Variants in PCOLCE2 observed in about 807,000 individuals in gnomAD.
PCOLCE2 encodes the protein procollagen C-proteinase enhancer 2.
In PCOLCE2, 42 loss-of-function variants were observed where a neutral mutation model predicts 47.0. That is an observed-to-expected ratio of 0.89 (90% CI 0.70 to 1.16). The LOEUF is 1.16. Ranked by LOEUF, PCOLCE2 falls within the 50% of genes most tolerant of loss-of-function variation. The probability of loss-of-function intolerance (pLI) is 0.00; values close to 1 mark genes in which losing one functional copy is unlikely to be tolerated. For missense variants in PCOLCE2, 500 were observed against 526.1 expected, an observed-to-expected ratio of 0.95 and a Z score of 0.49; for synonymous variants, 169 against 191.7, an observed-to-expected ratio of 0.88 and a Z score of 0.98.
intron 6 of PCOLCE2, chr3:142,827,646 G>C: frequency 6.8e-7 from 1 of 1,460,610 alleles, no homozygotes; most frequent in African/African-American, 1.4e-5. Context: ...GCAATGAAAA[G>C]CTCCGTCCGC....
chr3:142,878,100 A>C (rs1191267977), intron 2 of PCOLCE2, among the ~76,000 whole-genome samples: 1 of 152,208 alleles, frequency 6.6e-6, no homozygotes, highest in Admixed American at 6.5e-5. Context: ...TCCATGTAAC[A>C]GCCCATCTTT....
intron 6 of PCOLCE2, among the ~76,000 whole-genome samples, chr3:142,826,891 C>T (rs1419765082): frequency 6.6e-6 from 1 of 152,184 alleles, no homozygotes; most frequent in Non-Finnish European, 1.5e-5. Flanking sequence ...CCTCCCTCGC[C>T]ACTGCTTTTC....
chr3:142,876,511 TG>T (rs1560141504), intron 2 of PCOLCE2, among the ~76,000 whole-genome samples: 1 of 152,160 alleles, frequency 6.6e-6, no homozygotes, highest in Non-Finnish European at 1.5e-5. Context: ...AAAATAATAA[TG>T]TACTCTTATT....
chr3:142,848,176 C>T (rs1369492892), intron 3 of PCOLCE2, 41 bp downstream of exon 3: 13 of 1,592,346 alleles, frequency 8.2e-6, no homozygotes, highest in South Asian at 1.1e-5. Flanking sequence ...GAACAGTGAA[C>T]CAACATTACT....
At position 142,860,370 on chromosome 3, in the gene PCOLCE2, T is replaced by A. The variant is rs182474252; in HGVS notation, c.193-11898A>T. Among the ~76,000 whole-genome samples, 643 of 152,284 alleles carry A rather than the reference T, an allele frequency of 4.2e-3. 2 individuals carry two copies. Among genetic ancestry groups the A allele is most frequent in the Non-Finnish European group, 6.9e-3 (467 of 68,026 alleles). On this transcript the variant is annotated intron_variant, in intron 2 of 8. Transcript: ENST00000295992. ...ACTACAGCCACATGAATATTAAATT[T>A]TTCACTGCTGGGCTAATATTTTTTT...
intron 2 of PCOLCE2, among the ~76,000 whole-genome samples, chr3:142,868,756 G>A (rs1367112339): frequency 6.6e-6 from 1 of 152,152 alleles, no homozygotes; most frequent in Non-Finnish European, 1.5e-5. Context: ...CAGGGGCCAC[G>A]TGCGTCAGGG....
intron 3 of PCOLCE2, chr3:142,843,425 G>T: frequency 2.6e-6 from 1 of 381,244 alleles, no homozygotes; most frequent in Non-Finnish European, 5.1e-6. Context: ...AAACACCCAG[G>T]GACAAAATTT....
chr3:142,878,532 G>A (rs1273451258), intron 2 of PCOLCE2, among the ~76,000 whole-genome samples: 1 of 152,022 alleles, frequency 6.6e-6, no homozygotes, highest in African/African-American at 2.4e-5. Context: ...ACATTTCTAC[G>A]TACAAGAAAC....
rs1936969238 is a variant in PCOLCE2, at chr3:142,817,937, G to C, written c.*398C>G. The C allele has an allele frequency of 6.2e-6, 1 of 160,252 alleles. No individual in the cohort carries two copies. The allele number at this position is 160,252 out of a possible 1,614,324, so 9.9% of individuals were successfully genotyped here. On this transcript the variant is annotated 3_prime_UTR_variant, in exon 9 of 9. Coordinates refer to ENST00000295992, the MANE Select transcript of PCOLCE2 (RefSeq NM_013363.4). Reference sequence around the variant, plus strand: ...CGCAAGACAAGATTGTAACACCTCAGGGCAAAGGCTTGAAGGTGAAACAAA... The same window carrying C: ...CGCAAGACAAGATTGTAACACCTCACGGCAAAGGCTTGAAGGTGAAACAAA...
chr3:142,865,599 A>C (rs1468753155), intron 2 of PCOLCE2, among the ~76,000 whole-genome samples: 1 of 152,244 alleles, frequency 6.6e-6, no homozygotes, highest in Non-Finnish European at 1.5e-5. Flanking sequence ...CATAATTTCT[A>C]CAGAATATAA....
At chr3:142,846,955 GAGATC>G (rs1263742588) in intron 3 of PCOLCE2, among the ~76,000 whole-genome samples, 2 of 152,160 alleles carry the variant, frequency 1.3e-5, no homozygotes, top group Non-Finnish European at 2.9e-5. Context: ...GAGTTACCTT[GAGATC>G]AGTTCTTATT....
At chr3:142,836,628 A>G (rs1429260624) in intron 5 of PCOLCE2, among the ~76,000 whole-genome samples, 4 of 152,222 alleles carry the variant, frequency 2.6e-5, no homozygotes, top group Non-Finnish European at 5.9e-5. Context: ...TTGCTAGAAA[A>G]TGAAGCTTGA....
intron 7 of PCOLCE2, among the ~76,000 whole-genome samples, chr3:142,822,260 A>G (rs1482546975): frequency 6.6e-6 from 1 of 152,086 alleles, no homozygotes; most frequent in Non-Finnish European, 1.5e-5. Context: ...AAAAATCAGT[A>G]GCAGTTCCTA....
intron 2 of PCOLCE2, among the ~76,000 whole-genome samples, chr3:142,873,432 C>CT (rs1404911256): frequency 4.7e-5 from 7 of 150,438 alleles, no homozygotes; most frequent in African/African-American, 1.7e-4. Context: ...TTAAAGTTAA[C>CT]TACCTATATA....
At chr3:142,827,801 C>T in intron 6 of PCOLCE2, 2 of 587,316 alleles carry the variant, frequency 3.4e-6, no homozygotes, top group Non-Finnish European at 6.0e-6. Flanking sequence ...CATGGCATAT[C>T]CACTGGAAAA....
At chr3:142,861,368 T>C (rs1255500934) in intron 2 of PCOLCE2, among the ~76,000 whole-genome samples, 1 of 152,236 alleles carries the variant, frequency 6.6e-6, no homozygotes, top group African/African-American at 2.4e-5. Context: ...TCTTTCTTTT[T>C]AGAACTCTCG....
In PCOLCE2 at chr3:142,851,749, C is replaced by T. The variant is rs144136245; in HGVS notation, c.193-3277G>A. 2.3e-3 allele frequency among the ~76,000 whole-genome samples: 357 copies of T among 152,168 alleles called. 1 individual carries two copies. Among genetic ancestry groups the T allele is most frequent in the African/African-American group, 6.6e-3 (274 of 41,506 alleles). ...ACCAGGAGTTAAAATTTGCAAGAAG[C>T]GAGGAAGACTGTCCAGGAGGCTTTT... On this transcript the variant is annotated intron_variant, in intron 2 of 8. Coordinates refer to ENST00000295992, the MANE Select transcript of PCOLCE2 (RefSeq NM_013363.4).
chr3:142,822,946 G>C (rs1937031698), intron 7 of PCOLCE2, among the ~76,000 whole-genome samples: 1 of 152,142 alleles, frequency 6.6e-6, no homozygotes, highest in African/African-American at 2.4e-5. Flanking sequence ...TGTATCTTTT[G>C]CTCTTAAGTA....
At chr3:142,828,600 A>C (rs969107564) in intron 6 of PCOLCE2, among the ~76,000 whole-genome samples, 1 of 152,194 alleles carries the variant, frequency 6.6e-6, no homozygotes, top group African/African-American at 2.4e-5. Flanking sequence ...GCTTGGGAAA[A>C]TAGGTGGAGA....
Sources: gnomAD v4.1 joint callset for allele counts (sites outside exome capture counted in the v4.1 genomes callset) on GRCh38, gnomAD v4.1.1 for gene constraint, MANE v1.5 for transcripts, NCBI Gene and HGNC (gene_info 2026-07-23, HGNC 2026-07-21) for gene names.